The following EHMT1 variants were observed in gnomAD, a reference collection of about 807,000 sequenced individuals.
EHMT1 encodes histone-lysine N-methyltransferase EHMT1.
In EHMT1, 15 loss-of-function variants were observed where a neutral mutation model predicts 147.2. The ratio of observed to expected loss-of-function variants is 0.10; its 90% CI spans 0.07 to 0.16. The LOEUF (loss-of-function observed/expected upper bound fraction) is 0.16, where lower values mean the gene tolerates loss of function less well. Among genes scored for constraint, EHMT1 ranks in the 10% least tolerant of loss-of-function variants. The pLI is 1.00. For synonymous variants in EHMT1, 795 were observed against 709.6 expected (o/e 1.12, Z -1.91); for missense variants, 1,587 against 1,772.4 (o/e 0.90, Z 1.88).
chr9:137,714,352 G>A (rs1210936252), intron 2 of EHMT1, among the ~76,000 whole-genome samples: 1 of 151,798 alleles, frequency 6.6e-6, no homozygotes, highest in Non-Finnish European at 1.5e-5. Context: ...ACCATGAAGG[G>A]GTGTTCATTT....
At position 137,805,285 on chromosome 9, in the gene EHMT1, GAGTC is replaced by G. The variant is rs1022865772; in HGVS notation, c.2712+4307_2712+4310del. 1.6e-4 allele frequency among the ~76,000 whole-genome samples: 24 copies of G among 152,288 alleles called. 1 individual carries two copies. The highest frequency in any genetic ancestry group is 9.1e-4 in the Admixed American group (14 of 15,304). The stretch of plus-strand genomic sequence containing the variant: ...GTAAGGGTCAGTCATCTGCATGTAT[GAGTC>G]AGTCATCTGCATGTCTGTGAGTCTG... On this transcript the variant is annotated intron_variant, in intron 18 of 26. Transcript: ENST00000460843.
At chr9:137,804,152 C>G (rs569973684) in intron 18 of EHMT1, among the ~76,000 whole-genome samples, 1 of 152,194 alleles carries the variant, frequency 6.6e-6, no homozygotes, top group Non-Finnish European at 1.5e-5. Context: ...CATGGGAGAC[C>G]CACCCCCATA....
At chr9:137,805,129 C>T (rs770466137) in intron 18 of EHMT1, among the ~76,000 whole-genome samples, 22 of 151,308 alleles carry the variant, frequency 1.5e-4, no homozygotes, top group African/African-American at 5.4e-4. Flanking sequence ...ATGTGTGTGT[C>T]TCTCATCCGC....
chr9:137,619,130 G>A (rs1458149396), intron 1 of EHMT1, 81 bp downstream of exon 1: 1 of 386,512 alleles, frequency 2.6e-6, no homozygotes. Context: ...AACCGGGCGG[G>A]GCGGCGGCAG....
chr9:137,797,007 C>G (rs1461240952), intron 16 of EHMT1, among the ~76,000 whole-genome samples: 3 of 152,070 alleles, frequency 2.0e-5, no homozygotes, highest in Non-Finnish European at 4.4e-5. Context: ...ACACTGTGAT[C>G]TTGAGAATTT....
At chr9:137,801,048 A>G (rs1471292875) in intron 18 of EHMT1, 64 bp downstream of exon 18, 10 of 1,478,894 alleles carry the variant, frequency 6.8e-6, no homozygotes, top group Non-Finnish European at 4.7e-6. Flanking sequence ...CTCCCCCAGA[A>G]GGTTCTTTTC....
At chr9:137,729,995 A>G (rs868281343) in intron 4 of EHMT1, among the ~76,000 whole-genome samples, 8 of 152,282 alleles carry the variant, frequency 5.3e-5, no homozygotes, top group South Asian at 2.1e-4. Context: ...GTGTCTTGCT[A>G]GTTTCCTTTA....
At chr9:137,800,580 G>A (rs530808797) in intron 17 of EHMT1, 282 of 468,422 alleles carry the variant, frequency 6.0e-4, no homozygotes, top group Non-Finnish European at 9.5e-4. Flanking sequence ...GTGTTGGTGC[G>A]TCCCCAGTGA....
rs561992778 is a variant in EHMT1, at chr9:137,746,530, T to C, written c.1170+2440T>C. On this transcript the variant is annotated intron_variant, in intron 6 of 26. Transcript: ENST00000460843. Reference sequence around the variant, plus strand: ...ATAAAAACCTTTCTCACTGTTGATTTTGAATGAATTGATGTATGCTATCTT... The same window carrying C: ...ATAAAAACCTTTCTCACTGTTGATTCTGAATGAATTGATGTATGCTATCTT... 8 of 152,386 alleles carry C rather than the reference T, an allele frequency of 5.2e-5. No individual in the cohort carries two copies. In the South Asian group the frequency reaches 1.2e-3, roughly 24 times the overall value. The allele number at this position is 152,386 out of a possible 1,614,324, so 9.4% of individuals were successfully genotyped here.
At chr9:137,805,485 C>A (rs974208163) in intron 18 of EHMT1, among the ~76,000 whole-genome samples, 12 of 152,374 alleles carry the variant, frequency 7.9e-5, no homozygotes, top group African/African-American at 2.9e-4. Context: ...ATGCATTGAT[C>A]TGCATATCTG....
At chr9:137,665,482 G>C (rs1939534668) in intron 1 of EHMT1, among the ~76,000 whole-genome samples, 1 of 152,184 alleles carries the variant, frequency 6.6e-6, no homozygotes, top group Non-Finnish European at 1.5e-5. Context: ...GCTCCGGTGG[G>C]AGGTGCGCAT....
intron 1 of EHMT1, among the ~76,000 whole-genome samples, chr9:137,671,914 G>T (rs1032342095): frequency 5.3e-5 from 8 of 152,198 alleles, no homozygotes; most frequent in African/African-American, 1.9e-4. Context: ...ATGTGGCTGT[G>T]GAGAGGCCGT....
At chr9:137,791,015 G>A (rs761422833) in intron 16 of EHMT1, 45 bp downstream of exon 16, 23 of 1,613,910 alleles carry the variant, frequency 1.4e-5, no homozygotes, top group African/African-American at 9.3e-5. Context: ...GTGTGTAGAC[G>A]TTTCTCAGAA....
At chr9:137,669,417 CGA>C (rs1940206323) in intron 1 of EHMT1, among the ~76,000 whole-genome samples, 3 of 38,486 alleles carry the variant, frequency 7.8e-5, no homozygotes, top group African/African-American at 1.0e-4. Flanking sequence ...GTGCACTCCA[CGA>C]CTGCACCCAA....
chr9:137,644,537 A>G (rs1305035629), intron 1 of EHMT1, among the ~76,000 whole-genome samples: 1 of 152,152 alleles, frequency 6.6e-6, no homozygotes, highest in East Asian at 1.9e-4. Context: ...CATATTGGCC[A>G]GGCTGGTCTT....
intron 1 of EHMT1, among the ~76,000 whole-genome samples, chr9:137,710,625 T>C (rs984101688): frequency 1.3e-5 from 2 of 152,164 alleles, no homozygotes; most frequent in Non-Finnish European, 2.9e-5. Context: ...ATATGAATTA[T>C]TGTCAGCAGT....
intron 1 of EHMT1, among the ~76,000 whole-genome samples, chr9:137,676,798 G>A (rs1941387408): frequency 6.6e-6 from 1 of 152,194 alleles, no homozygotes; most frequent in South Asian, 2.1e-4. Context: ...CAGGGGAGGA[G>A]CTTCTCTTTT....
chr9:137,816,150 A>T, intron 23 of EHMT1, 88 bp downstream of exon 23: 1 of 1,233,712 alleles, frequency 8.1e-7, no homozygotes, highest in Non-Finnish European at 1.2e-6. Context: ...CAAGAACTTA[A>T]CGTGTTTGGA....
At chr9:137,619,088 CGGGCA>C in intron 1 of EHMT1, 39 bp downstream of exon 1, 5 of 696,138 alleles carry the variant, frequency 7.2e-6, no homozygotes, top group Non-Finnish European at 7.0e-6. Context: ...GCGGGGGCGG[CGGGCA>C]GCGGCGGAGG....
Sources: gnomAD v4.1 joint callset for allele counts (sites outside exome capture counted in the v4.1 genomes callset) on GRCh38, gnomAD v4.1.1 for gene constraint, MANE v1.5 for transcripts, NCBI Gene and HGNC (gene_info 2026-07-23, HGNC 2026-07-21) for gene names.